RPH3AL: variants seen among roughly 807,000 people sequenced by gnomAD.
RPH3AL encodes rabphilin 3A like (without C2 domains).
Under a neutral mutation model 43.1 loss-of-function variants are expected in RPH3AL, and 38 were observed. That is an observed-to-expected ratio of 0.88 (90% CI 0.68 to 1.15). The LOEUF is 1.15. RPH3AL is among the 50% of genes most tolerant of loss of function. RPH3AL has a pLI of 0.00. For synonymous variants in RPH3AL, 189 were observed against 176.3 expected (o/e 1.07, Z -0.57); for missense variants, 462 against 423.2 (o/e 1.09, Z -0.81).
At chr17:241,937 C>T (rs1025948824) in intron 7 of RPH3AL, among the ~76,000 whole-genome samples, 2 of 151,592 alleles carry the variant, frequency 1.3e-5, no homozygotes, top group African/African-American at 4.8e-5. Context: ...GCCAATATGG[C>T]GAAACCCCGT....
chr17:223,291 T>G (rs1209794650), intron 7 of RPH3AL, among the ~76,000 whole-genome samples: 1 of 152,086 alleles, frequency 6.6e-6, no homozygotes, highest in Non-Finnish European at 1.5e-5. Flanking sequence ...TTTAATTAAG[T>G]GATATCATTG....
intron 7 of RPH3AL, chr17:234,298 TTC>T (rs375015259): frequency 2.6e-5 from 3 of 117,606 alleles, no homozygotes; most frequent in Non-Finnish European, 1.7e-5. Context: ...CTGACCAACT[TTC>T]CCCCAAGCGG....
chr17:217,034 A>T (rs9914453), intron 8 of RPH3AL, among the ~76,000 whole-genome samples: 1,823 of 147,728 alleles, frequency 0.012, 57 homozygotes, highest in African/African-American at 0.042. Flanking sequence ...CCTCGCTGAA[A>T]TCAGGACCCC....
At chr17:292,585 G>A (rs981916559) in intron 5 of RPH3AL, among the ~76,000 whole-genome samples, 3 of 152,148 alleles carry the variant, frequency 2.0e-5, no homozygotes, top group African/African-American at 7.2e-5. Flanking sequence ...TTCAGTCTGA[G>A]CCTCGGTCCC....
chr17:236,983 G>A (rs566842760), intron 7 of RPH3AL, among the ~76,000 whole-genome samples: 38 of 152,230 alleles, frequency 2.5e-4, no homozygotes, highest in Non-Finnish European at 4.6e-4. Context: ...TCCACCGTCT[G>A]TAGCTGCCCT....
In RPH3AL at chr17:319,453, G is replaced by T. The variant is rs2044397361; in HGVS notation, c.318C>A (p.Gly106=). The T allele has an allele frequency of 6.2e-7, 1 of 1,612,394 alleles. No individual in the cohort carries two copies. The highest frequency in any genetic ancestry group is 1.3e-5 in the African/African-American group (1 of 74,914). The change falls in exon 5 of 10, where the codon GGC becomes GGA. Residue 106 remains glycine (G), a synonymous_variant. Coordinates refer to ENST00000331302, the MANE Select transcript of RPH3AL (RefSeq NM_006987.4). ...AGTCTTTGCAGAACACCGACGAGCTGCCCAGGAAGCCCAGCACCTCCCCGC... is the reference window on the plus strand; with the variant it reads ...AGTCTTTGCAGAACACCGACGAGCTTCCCAGGAAGCCCAGCACCTCCCCGC... The part of the protein sequence containing the change: ...LLCGEVLGFL[G]SSSVFCKDCR...
chr17:253,649 C>T (rs992136368), intron 6 of RPH3AL, among the ~76,000 whole-genome samples: 2 of 152,118 alleles, frequency 1.3e-5, no homozygotes, highest in East Asian at 3.9e-4. Flanking sequence ...CCCTGGCCAC[C>T]CCAGTCTGCT....
In RPH3AL at chr17:333,593, G is replaced by A. The variant is rs988325867; in HGVS notation, c.-37+166C>T. ...TAACTTAGTATTCTGAATACAATAC[G>A]TTTTACCATCTTCCTGTTTGGGAGC... On this transcript the variant is annotated intron_variant, in intron 2 of 9. Coordinates refer to ENST00000331302, the MANE Select transcript of RPH3AL (RefSeq NM_006987.4). This position sits in a 1 kb window ranked among gnomAD's most constrained non-coding sequence, Gnocchi z 4.5. 3.6e-5 allele frequency: 9 copies of A among 250,416 alleles called. No individual in the cohort carries two copies. Among genetic ancestry groups the A allele is most frequent in the African/African-American group, 1.5e-4 (7 of 45,644 alleles). 15.5% of individuals were successfully genotyped at this position (250,416 alleles called of 1,614,324 possible). A position where few individuals can be genotyped will look rare whatever the true frequency, so the allele number is the denominator to read the frequency against.
chr17:262,401 A>C (rs1172082144), intron 6 of RPH3AL, among the ~76,000 whole-genome samples: 1 of 152,146 alleles, frequency 6.6e-6, no homozygotes, highest in Admixed American at 6.5e-5. Flanking sequence ...TTTTTAGTAG[A>C]GACGGGGTTT....
At position 283,292 on chromosome 17, in the gene RPH3AL, C is replaced by T. The variant is rs546810794; in HGVS notation, c.352-1438G>A. Among the ~76,000 whole-genome samples the T allele has an allele frequency of 1.3e-5, 2 of 152,230 alleles. No individual in the cohort carries two copies. The highest frequency in any genetic ancestry group is 6.5e-5 in the Admixed American group (1 of 15,294). On this transcript the variant is annotated intron_variant, in intron 5 of 9. Transcript: ENST00000331302. This position sits in a 1 kb window ranked among gnomAD's most constrained non-coding sequence, Gnocchi z 4.2. ...AACTTGGCTTCCACGTCGAGCGTGT[C>T]GAGCGTGTGGAGGTCACTGGCCTGA...
chr17:298,319 T>C (rs1162412149), intron 5 of RPH3AL, among the ~76,000 whole-genome samples: 1 of 151,834 alleles, frequency 6.6e-6, no homozygotes, highest in East Asian at 1.9e-4. Flanking sequence ...TGTTCCAGGA[T>C]TATCATAACT....
At chr17:343,284 C>A (rs187444938) in intron 1 of RPH3AL, among the ~76,000 whole-genome samples, 1 of 152,174 alleles carries the variant, frequency 6.6e-6, no homozygotes, top group Non-Finnish European at 1.5e-5. Context: ...TCAGTCTCTA[C>A]GTAAACACAT....
chr17:315,583 T>A, intron 5 of RPH3AL, among the ~76,000 whole-genome samples: 1 of 150,552 alleles, frequency 6.6e-6, no homozygotes, highest in Non-Finnish European at 1.5e-5. Flanking sequence ...CATTGACCTG[T>A]AGTCCCTGTG....
rs146634433 is a variant in RPH3AL at position 291,071 on chromosome 17, C to T, written c.352-9217G>A. ...CGTACAAGGAGGCCTGGAAAACGTACGCTGTGCTGTGGAGATGAACACTGA... is the reference window on the plus strand; with the variant it reads ...CGTACAAGGAGGCCTGGAAAACGTATGCTGTGCTGTGGAGATGAACACTGA... On this transcript the variant is annotated intron_variant, in intron 5 of 9. Coordinates refer to ENST00000331302, the MANE Select transcript of RPH3AL (RefSeq NM_006987.4). Among the ~76,000 whole-genome samples, 90 of 152,304 alleles carry T rather than the reference C, an allele frequency of 5.9e-4. No homozygotes were observed. The East Asian group carries it at 0.011, about 19-fold the overall frequency.
intron 5 of RPH3AL, among the ~76,000 whole-genome samples, chr17:315,571 T>G (rs1555520102): frequency 1.8e-4 from 27 of 148,230 alleles, no homozygotes; most frequent in African/African-American, 5.4e-4. Context: ...GTGCCCCACC[T>G]CCATTGACCT....
intron 4 of RPH3AL, 37 bp downstream of exon 4, chr17:321,235 C>T: frequency 6.3e-7 from 1 of 1,588,994 alleles, no homozygotes; most frequent in Non-Finnish European, 8.5e-7. Flanking sequence ...AAAGCCCTTG[C>T]TGTCCTCCCA....
At position 245,300 on chromosome 17, in the gene RPH3AL, G is replaced by T. The variant is rs1375415293; in HGVS notation, c.613+1811C>A. Among the ~76,000 whole-genome samples, 3 of 146,898 alleles carry T rather than the reference G, an allele frequency of 2.0e-5. No homozygotes were observed. The highest frequency in any genetic ancestry group is 7.6e-5 in the African/African-American group (3 of 39,734). ...GTGTGTGTACGTGGGTGTGTGTGTG[G>T]ATGTGTGTGTGGATGTGGATGTCAG... is the stretch of plus-strand genomic sequence containing the variant. On this transcript the variant is annotated intron_variant, in intron 7 of 9. Coordinates refer to ENST00000331302, the MANE Select transcript of RPH3AL (RefSeq NM_006987.4). The surrounding 1 kb of genome is among the most constrained non-coding windows in gnomAD (Gnocchi z 5.9).
rs564902998 is a variant in RPH3AL, at chr17:325,742, G to A, written c.77+1725C>T. Among the ~76,000 whole-genome samples, 6 of 152,322 alleles carry A rather than the reference G, an allele frequency of 3.9e-5. No homozygotes were observed. In the East Asian group the frequency reaches 1.2e-3, roughly 29 times the overall value. Reference sequence around the variant, plus strand: ...GACTGTGTTGGTCCTGTTCACTGCTGTGCAGTCAGTGCCTGGCACATAGTA... The same window carrying A: ...GACTGTGTTGGTCCTGTTCACTGCTATGCAGTCAGTGCCTGGCACATAGTA... On this transcript the variant is annotated intron_variant, in intron 3 of 9. Coordinates refer to ENST00000331302, the MANE Select transcript of RPH3AL (RefSeq NM_006987.4).
intron 5 of RPH3AL, among the ~76,000 whole-genome samples, chr17:293,748 G>A (rs929466695): frequency 4.0e-4 from 61 of 151,984 alleles, no homozygotes; most frequent in African/African-American, 1.5e-3. Context: ...AGCAAATCTG[G>A]TCGGGCGCGG....
Sources: allele counts gnomAD v4.1 joint callset (sites outside exome capture counted in the v4.1 genomes callset), GRCh38; gene constraint gnomAD v4.1.1; non-coding constraint Gnocchi (gnomAD v3.1); transcripts MANE v1.5; gene names NCBI Gene and HGNC (gene_info 2026-07-23, HGNC 2026-07-21).